ST7L: variants seen among roughly 807,000 people sequenced by gnomAD.
The protein encoded by ST7L is suppressor of tumorigenicity 7 protein-like.
Under a neutral mutation model 72.5 loss-of-function variants are expected in ST7L, and 57 were observed. That is an observed-to-expected ratio of 0.79 (90% CI 0.64 to 0.98). ST7L has a LOEUF of 0.98. Among genes scored for constraint, ST7L ranks in the 50% least tolerant of loss-of-function variants. ST7L has a pLI of 0.00. For synonymous variants in ST7L, 221 were observed against 240.9 expected, an observed-to-expected ratio of 0.92 and a Z score of 0.77; for missense variants, 576 against 672.2, an observed-to-expected ratio of 0.86 and a Z score of 1.58.
chr1:112,536,191 T>G (rs1655177109), intron 14 of ST7L, among the ~76,000 whole-genome samples: 1 of 152,168 alleles, frequency 6.6e-6, no homozygotes, highest in Non-Finnish European at 1.5e-5. Context: ...TCTTACGAAC[T>G]AAAAAAGTCT....
chr1:112,584,173 G>T, intron 6 of ST7L, 47 bp from the exon 7 acceptor site: 1 of 1,576,838 alleles, frequency 6.3e-7, no homozygotes, highest in Non-Finnish European at 8.6e-7. Context: ...GGTAAAGCAA[G>T]TGTTTTCTCT....
chr1:112,541,555 G>A (rs1037385134), intron 14 of ST7L, among the ~76,000 whole-genome samples: 1 of 151,986 alleles, frequency 6.6e-6, no homozygotes, highest in African/African-American at 2.4e-5. Context: ...TCCTAGTTGT[G>A]CTCTTGAGTT....
chr1:112,573,937 C>T (rs1374527751), intron 11 of ST7L, among the ~76,000 whole-genome samples: 3 of 108,916 alleles, frequency 2.8e-5, no homozygotes, highest in Non-Finnish European at 1.7e-5. Context: ...TTTTTTGAGA[C>T]GGAGTCTCAC....
intron 4 of ST7L, among the ~76,000 whole-genome samples, chr1:112,599,169 C>T (rs1667029876): frequency 1.6e-5 from 2 of 125,462 alleles, no homozygotes; most frequent in Non-Finnish European, 3.2e-5. Flanking sequence ...CACTTCTTTT[C>T]AAGATCTTCA....
At chr1:112,605,638 C>T (rs1330521141) in intron 3 of ST7L, among the ~76,000 whole-genome samples, 5 of 151,724 alleles carry the variant, frequency 3.3e-5, no homozygotes, top group African/African-American at 7.3e-5. Flanking sequence ...TTCAGTGAGT[C>T]GAGATCACGC....
At chr1:112,560,705 T>C (rs967284630) in intron 11 of ST7L, among the ~76,000 whole-genome samples, 2 of 152,170 alleles carry the variant, frequency 1.3e-5, no homozygotes, top group African/African-American at 4.8e-5. Flanking sequence ...CTCACACCTG[T>C]AATCCCAGCA....
intron 13 of ST7L, among the ~76,000 whole-genome samples, chr1:112,545,062 G>T (rs1656826885): frequency 1.3e-5 from 2 of 152,152 alleles, no homozygotes; most frequent in Non-Finnish European, 2.9e-5. Context: ...CCAGAATGCG[G>T]TAAGTCATAT....
chr1:112,549,060 T>C (rs1375182814), intron 13 of ST7L, among the ~76,000 whole-genome samples: 2 of 152,048 alleles, frequency 1.3e-5, no homozygotes, highest in Non-Finnish European at 2.9e-5. Context: ...ATAGCGATTG[T>C]ATTGAATCTA....
chr1:112,573,151 C>G (rs1276759227), intron 11 of ST7L, among the ~76,000 whole-genome samples: 1 of 151,850 alleles, frequency 6.6e-6, no homozygotes, highest in Non-Finnish European at 1.5e-5. Flanking sequence ...GAGTTTGACA[C>G]CAACCTGACC....
chr1:112,547,158 T>G (rs570547074), intron 13 of ST7L, among the ~76,000 whole-genome samples: 1 of 151,764 alleles, frequency 6.6e-6, no homozygotes, highest in Non-Finnish European at 1.5e-5. Flanking sequence ...ACCTCCTAGA[T>G]AGCTAGGCCC....
At chr1:112,594,208 G>C in intron 5 of ST7L, among the ~76,000 whole-genome samples, 1 of 89,608 alleles carries the variant, frequency 1.1e-5, no homozygotes, top group Non-Finnish European at 2.3e-5. Flanking sequence ...TTATTTTACA[G>C]AAAAAAAAAA....
At chr1:112,556,563 GTTA>G (rs1659143054) in intron 11 of ST7L, among the ~76,000 whole-genome samples, 1 of 152,176 alleles carries the variant, frequency 6.6e-6, no homozygotes, top group Non-Finnish European at 1.5e-5. Context: ...CACTGTGGTT[GTTA>G]GGGAATACCA....
intron 4 of ST7L, among the ~76,000 whole-genome samples, chr1:112,598,422 G>C (rs529124432): frequency 1.1e-4 from 17 of 149,116 alleles, no homozygotes; most frequent in African/African-American, 4.0e-4. Flanking sequence ...GCAACATAGT[G>C]AGCCAGTGAG....
At chr1:112,520,765 TA>T, downstream of ST7L, 1 of 540,070 alleles carries the variant, frequency 1.9e-6, no homozygotes. Flanking sequence ...GTAGAAGAGA[TA>T]GGGGGTCTTT....
At chr1:112,600,529 A>G (rs2102035137) in intron 4 of ST7L, among the ~76,000 whole-genome samples, 1 of 152,194 alleles carries the variant, frequency 6.6e-6, no homozygotes, top group African/African-American at 2.4e-5. Flanking sequence ...CCAGGAGCTC[A>G]AGGCTGCAGC....
chr1:112,535,457 C>T (rs891570453), intron 14 of ST7L, among the ~76,000 whole-genome samples: 9 of 151,852 alleles, frequency 5.9e-5, no homozygotes, highest in African/African-American at 1.2e-4. Flanking sequence ...TGGCTGGGCA[C>T]GGTGGCTCAA....
chr1:112,585,943 T>C (rs1664813167), intron 6 of ST7L, among the ~76,000 whole-genome samples: 1 of 152,156 alleles, frequency 6.6e-6, no homozygotes, highest in Non-Finnish European at 1.5e-5. Context: ...TAAACAAAAG[T>C]GATGGCAGGT....
chr1:112,560,320 G>C (rs976671714), intron 11 of ST7L, among the ~76,000 whole-genome samples: 2 of 152,018 alleles, frequency 1.3e-5, no homozygotes, highest in Admixed American at 6.6e-5. Flanking sequence ...CGTGAGCCCG[G>C]GAGGCGGAGT....
At chr1:112,590,418 CAG>C (rs1291378897) in intron 6 of ST7L, among the ~76,000 whole-genome samples, 1 of 152,076 alleles carries the variant, frequency 6.6e-6, no homozygotes, top group African/African-American at 2.4e-5. Flanking sequence ...CATTAGTTTC[CAG>C]AGTTTTAATA....
Sources: allele counts gnomAD v4.1 joint callset (sites outside exome capture counted in the v4.1 genomes callset), GRCh38; gene constraint gnomAD v4.1.1; transcripts MANE v1.5; gene names NCBI Gene and HGNC (gene_info 2026-07-23, HGNC 2026-07-21).